SASH1: variants seen among roughly 807,000 people sequenced by gnomAD.
SASH1 encodes SAM and SH3 domain-containing protein 1.
Under a neutral mutation model 125.2 loss-of-function variants are expected in SASH1, and 44 were observed. The ratio of observed to expected loss-of-function variants is 0.35; its 90% CI spans 0.28 to 0.45. The LOEUF (loss-of-function observed/expected upper bound fraction) is 0.45, where lower values mean the gene tolerates loss of function less well. Ranked by LOEUF, SASH1 falls within the 20% of genes least tolerant of loss-of-function variation. The probability of loss-of-function intolerance (pLI) is 1.00; values close to 1 mark genes in which losing one functional copy is unlikely to be tolerated. For missense variants in SASH1, 1,426 were observed against 1,614.5 expected (o/e 0.88, Z 2.00); for synonymous variants, 639 against 649.1 (o/e 0.98, Z 0.24).
At chr6:148,367,836 G>A (rs967583434) in intron 1 of SASH1, among the ~76,000 whole-genome samples, 3 of 152,210 alleles carry the variant, frequency 2.0e-5, no homozygotes, top group South Asian at 2.1e-4. Context: ...CGGAGGCCTC[G>A]AGTGCCTGGG....
chr6:148,274,182 T>A (rs776024364), intron 1 of SASH1, among the ~76,000 whole-genome samples: 4 of 151,784 alleles, frequency 2.6e-5, no homozygotes, highest in Non-Finnish European at 4.4e-5. Flanking sequence ...TGCTCAGGAG[T>A]CCAAGGGAGG....
At chr6:148,361,509 G>A (rs991837265) in intron 1 of SASH1, among the ~76,000 whole-genome samples, 4 of 152,184 alleles carry the variant, frequency 2.6e-5, no homozygotes, top group South Asian at 4.2e-4. Flanking sequence ...GGCCGAGGCC[G>A]GAGAATCGCT....
At chr6:148,344,845 T>C (rs565488287) in intron 1 of SASH1, among the ~76,000 whole-genome samples, 31 of 151,118 alleles carry the variant, frequency 2.1e-4, no homozygotes, top group African/African-American at 7.3e-4. Context: ...AACCTCCGCC[T>C]CCTGAGTTCA....
intron 2 of SASH1, among the ~76,000 whole-genome samples, chr6:148,403,715 A>G (rs1329693800): frequency 6.6e-6 from 1 of 152,044 alleles, no homozygotes; most frequent in African/African-American, 2.4e-5. Flanking sequence ...TATTTTTAGT[A>G]GAGATTGGGT....
At chr6:148,202,209 A>G in the SASH1 span, among the ~76,000 whole-genome samples, 1 of 150,504 alleles carries the variant, frequency 6.6e-6, no homozygotes, top group South Asian at 2.1e-4. Flanking sequence ...TGTAGGTAGT[A>G]AACCTGCAAT....
intron 5 of SASH1, chr6:148,469,174 C>T (rs1777983599): frequency 6.6e-6 from 1 of 152,262 alleles, no homozygotes; most frequent in African/African-American, 2.4e-5. Context: ...TCAATCAACC[C>T]TGGCTGCCTG....
intron 2 of SASH1, among the ~76,000 whole-genome samples, chr6:148,396,169 T>G (rs1783939873): frequency 6.6e-6 from 1 of 151,998 alleles, no homozygotes; most frequent in Admixed American, 6.6e-5. Flanking sequence ...ATATTATAAC[T>G]GTGAAAGGTC....
intron 1 of SASH1, among the ~76,000 whole-genome samples, chr6:148,349,252 CTTTTTTTTTTT>C (rs11317386): frequency 0.012 from 544 of 47,064 alleles, 6 homozygotes; most frequent in African/African-American, 0.034. Flanking sequence ...TTCTTTCTTT[CTTTTTTTTTTT>C]TTTTTTTTTT....
chr6:148,340,005 A>G (rs1359890026), upstream of SASH1, among the ~76,000 whole-genome samples: 1 of 152,186 alleles, frequency 6.6e-6, no homozygotes, highest in Non-Finnish European at 1.5e-5. Flanking sequence ...GCTTTGCCCC[A>G]GGTCATCTGA....
intron 2 of SASH1, among the ~76,000 whole-genome samples, chr6:148,437,425 A>G (rs962893121): frequency 1.4e-4 from 21 of 152,386 alleles, no homozygotes; most frequent in African/African-American, 3.8e-4. Flanking sequence ...CACTAGAAAT[A>G]TCACTATACA....
At chr6:148,370,730 G>A (rs188465426) in intron 1 of SASH1, among the ~76,000 whole-genome samples, 4 of 152,140 alleles carry the variant, frequency 2.6e-5, no homozygotes, top group South Asian at 4.2e-4. Context: ...GGCTGAGGCA[G>A]GAGAATGAAG....
chr6:148,418,169 GGT>G (rs1464826291), intron 2 of SASH1, among the ~76,000 whole-genome samples: 1 of 152,090 alleles, frequency 6.6e-6, no homozygotes, highest in Non-Finnish European at 1.5e-5. Flanking sequence ...ACAACATCTA[GGT>G]GTAAATAACC....
At chr6:148,392,218 G>A (rs1465406037) in intron 2 of SASH1, among the ~76,000 whole-genome samples, 1 of 151,700 alleles carries the variant, frequency 6.6e-6, no homozygotes, top group African/African-American at 2.4e-5. Context: ...ACTGGGAGGC[G>A]GAGGTTGTGG....
chr6:148,198,909 G>A, the SASH1 span, among the ~76,000 whole-genome samples: 1 of 152,132 alleles, frequency 6.6e-6, no homozygotes, highest in African/African-American at 2.4e-5. Context: ...CTGTAGACAG[G>A]GCAAGTATTC....
At chr6:148,274,471 G>A (rs932015803) in intron 1 of SASH1, among the ~76,000 whole-genome samples, 34 of 152,184 alleles carry the variant, frequency 2.2e-4, no homozygotes, top group African/African-American at 7.7e-4. Flanking sequence ...TCTGTCATGG[G>A]ACTATGCCCT....
At chr6:148,200,769 C>T in the SASH1 span, among the ~76,000 whole-genome samples, 5 of 152,264 alleles carry the variant, frequency 3.3e-5, no homozygotes, top group South Asian at 2.1e-4. Flanking sequence ...AGGGCATTTA[C>T]AATTGAAGGA....
At chr6:148,326,353 T>TGC (rs1780815850) in intron 1 of SASH1, among the ~76,000 whole-genome samples, 2 of 90,046 alleles carry the variant, frequency 2.2e-5, no homozygotes, top group African/African-American at 4.0e-5. Context: ...TATATATATA[T>TGC]ATATGCATAT....
At chr6:148,243,923 G>T in the SASH1 span, among the ~76,000 whole-genome samples, 1 of 152,084 alleles carries the variant, frequency 6.6e-6, no homozygotes, top group Non-Finnish European at 1.5e-5. Flanking sequence ...TGTGGGAAGC[G>T]CCTGGCCCAC....
chr6:148,336,176 CTTTTTTTTTTT>C (rs61290611), intron 1 of SASH1, among the ~76,000 whole-genome samples: 2 of 70,726 alleles, frequency 2.8e-5, no homozygotes, highest in African/African-American at 5.8e-5. Flanking sequence ...AAACTGCATC[CTTTTTTTTTTT>C]TTTTTTTTTT....
Sources: allele counts gnomAD v4.1 joint callset (sites outside exome capture counted in the v4.1 genomes callset), GRCh38; gene constraint gnomAD v4.1.1; transcripts MANE v1.5; gene names NCBI Gene and HGNC (gene_info 2026-07-23, HGNC 2026-07-21).